CPXM2: variants seen among roughly 807,000 people sequenced by gnomAD.
CPXM2 encodes inactive carboxypeptidase-like protein X2.
In CPXM2, 66 loss-of-function variants were observed where a neutral mutation model predicts 86.1. The observed-to-expected ratio is 0.77, with a 90% CI of 0.63 to 0.94. CPXM2 has a LOEUF of 0.94. Ranked by LOEUF, CPXM2 falls within the 40% of genes least tolerant of loss-of-function variation. The pLI, the probability that CPXM2 is intolerant of heterozygous loss-of-function variation, is 0.00. For synonymous variants in CPXM2, 388 were observed against 400.2 expected (o/e 0.97, Z 0.36); for missense variants, 948 against 1,026.3 (o/e 0.92, Z 1.04).
In CPXM2 at chr10:123,757,315, G is replaced by C; in HGVS notation, c.1815C>G (p.Phe605Leu). 6.2e-7 allele frequency: 1 copy of C among 1,613,832 alleles called. No homozygotes were observed. Among genetic ancestry groups the C allele is most frequent in the Non-Finnish European group, 8.5e-7 (1 of 1,179,706 alleles). The change falls in exon 12 of 14, where the codon TTC becomes TTG. Residue 605 changes from phenylalanine to leucine, a missense_variant. Physicochemically the swap from Phe to Leu is conservative, Grantham distance 22. Coordinates refer to ENST00000241305, the MANE Select transcript of CPXM2 (RefSeq NM_198148.3). Reference sequence around the variant, plus strand: ...CACAGCCCACGTAGATGGACAGTTCGAAGCAGTTTGTATGAAGGTAGCTGA... The same window carrying C: ...CACAGCCCACGTAGATGGACAGTTCCAAGCAGTTTGTATGAAGGTAGCTGA... ...NDFSYLHTNC[F>L]ELSIYVGCDK...
chr10:123,753,019 G>A (rs115932308), intron 13 of CPXM2, among the ~76,000 whole-genome samples: 2,733 of 152,216 alleles, frequency 0.018, 68 homozygotes, highest in African/African-American at 0.063. Flanking sequence ...AGGTAAGAGG[G>A]ACCAACAGTG....
rs1848871010 is a variant in CPXM2, at chr10:123,862,466, T to C, written c.513+148A>G. The stretch of plus-strand genomic sequence containing the variant: ...TCCCTGAGTCTCAGAGCTCTCTCTG[T>C]AAAATTAGGATCATTCAGCAATATC... On this transcript the variant is annotated intron_variant, in intron 3 of 13. Transcript: ENST00000241305. 5.5e-6 allele frequency: 4 copies of C among 727,774 alleles called. No individual in the cohort carries two copies. The South Asian group carries it at 7.1e-5, about 13-fold the overall frequency. The allele number at this position is 727,774 out of a possible 1,614,324, so 45.1% of individuals were successfully genotyped here. A position where few individuals can be genotyped will look rare whatever the true frequency, so the allele number is the denominator to read the frequency against.
chr10:123,833,946 A>G (rs1848222480), intron 4 of CPXM2, among the ~76,000 whole-genome samples: 3 of 152,216 alleles, frequency 2.0e-5, no homozygotes, highest in African/African-American at 7.2e-5. Flanking sequence ...TGCCAAGGAC[A>G]ATCTTAACTG....
chr10:123,870,951 G>T (rs975563109), intron 2 of CPXM2, among the ~76,000 whole-genome samples: 9 of 152,134 alleles, frequency 5.9e-5, no homozygotes, highest in African/African-American at 1.7e-4. Context: ...TTTTACCTGT[G>T]AGGCTACACA....
At chr10:123,909,414 A>G (rs1305214119) in intron 2 of CPXM2, among the ~76,000 whole-genome samples, 1 of 152,216 alleles carries the variant, frequency 6.6e-6, no homozygotes, top group African/African-American at 2.4e-5. Context: ...GTGTTGAGTA[A>G]TTAACTAGTG....
chr10:123,761,842 C>G (rs762365746), intron 11 of CPXM2, 30 bp downstream of exon 11: 2 of 1,604,326 alleles, frequency 1.2e-6, no homozygotes, highest in African/African-American at 2.7e-5. Flanking sequence ...CCTGCGCCCG[C>G]AGCCCACTCT....
At chr10:123,940,951 C>A (rs1945770252), upstream of CPXM2, among the ~76,000 whole-genome samples, 1 of 152,122 alleles carries the variant, frequency 6.6e-6, no homozygotes, top group Non-Finnish European at 1.5e-5. Context: ...GTGGGCGGAT[C>A]ACGAGGTCAG....
intron 13 of CPXM2, among the ~76,000 whole-genome samples, chr10:123,747,872 G>A: frequency 3.4e-5 from 5 of 148,670 alleles, no homozygotes; most frequent in Non-Finnish European, 5.9e-5. Context: ...CAGTGAGCTG[G>A]GATCACGCCA....
At chr10:123,816,507 C>T (rs568153887) in intron 4 of CPXM2, among the ~76,000 whole-genome samples, 69 of 152,366 alleles carry the variant, frequency 4.5e-4, no homozygotes, top group African/African-American at 1.5e-3. Context: ...ATTCAACTCT[C>T]CCATTTGGCC....
Position 123,830,645 on chromosome 10 carries a change from C to T in CPXM2, c.653+11704G>A, listed in dbSNP as rs1254460518. Among the ~76,000 whole-genome samples the T allele has an allele frequency of 2.0e-5, 3 of 152,184 alleles. No homozygotes were observed. In the East Asian group the frequency reaches 5.8e-4, roughly 29 times the overall value. On this transcript the variant is annotated intron_variant, in intron 4 of 13. Coordinates refer to ENST00000241305, the MANE Select transcript of CPXM2 (RefSeq NM_198148.3). ...GCCGCCTCCTCTTCCTGTCCATCAC[C>T]TCCTGACAGCTGCATTCCAACAGGT...
intron 2 of CPXM2, among the ~76,000 whole-genome samples, chr10:123,924,179 C>G (rs1945603192): frequency 1.3e-5 from 2 of 152,232 alleles, no homozygotes; most frequent in African/African-American, 4.8e-5. Context: ...CAGACTCCAA[C>G]TGTGTGTTCT....
At chr10:123,747,870 T>C in intron 13 of CPXM2, among the ~76,000 whole-genome samples, 4 of 133,246 alleles carry the variant, frequency 3.0e-5, no homozygotes, top group Non-Finnish European at 6.1e-5. Context: ...TGCAGTGAGC[T>C]GGGATCACGC....
At chr10:123,889,153 C>A (rs1354185120) in intron 1 of CPXM2, among the ~76,000 whole-genome samples, 1 of 152,228 alleles carries the variant, frequency 6.6e-6, no homozygotes, top group Non-Finnish European at 1.5e-5. Flanking sequence ...CCCATGTAAC[C>A]CCTGAGTCTG....
intron 4 of CPXM2, among the ~76,000 whole-genome samples, chr10:123,812,893 T>C (rs137924034): frequency 6.6e-6 from 1 of 152,036 alleles, no homozygotes; most frequent in African/African-American, 2.4e-5. Context: ...GCCAAAAAGG[T>C]TGGGGACTGC....
chr10:123,901,619 G>C (rs1032322141), intron 2 of CPXM2, among the ~76,000 whole-genome samples: 3 of 152,146 alleles, frequency 2.0e-5, no homozygotes, highest in Non-Finnish European at 2.9e-5. Flanking sequence ...ACCTGAAAGA[G>C]CCAATCTTTC....
chr10:123,780,455 T>C (rs1846907725), intron 6 of CPXM2, among the ~76,000 whole-genome samples, 200 bp from the exon 7 acceptor site: 1 of 152,162 alleles, frequency 6.6e-6, no homozygotes, highest in African/African-American at 2.4e-5. Flanking sequence ...GGAGCCAGAA[T>C]GCCTGGGTTC....
At chr10:123,823,706 G>A (rs182290369) in intron 4 of CPXM2, among the ~76,000 whole-genome samples, 1 of 152,122 alleles carries the variant, frequency 6.6e-6, no homozygotes, top group African/African-American at 2.4e-5. Flanking sequence ...GTTAGAGGTT[G>A]GTCAATAAGA....
chr10:123,873,209 A>C (rs1944921586), intron 2 of CPXM2, among the ~76,000 whole-genome samples: 1 of 146,930 alleles, frequency 6.8e-6, no homozygotes, highest in South Asian at 2.4e-4. Context: ...TGAATATAAA[A>C]ATCAACATTC....
chr10:123,883,191 A>G (rs1323149223), intron 1 of CPXM2, among the ~76,000 whole-genome samples: 1 of 152,168 alleles, frequency 6.6e-6, no homozygotes, highest in African/African-American at 2.4e-5. Context: ...TGACAGTGTG[A>G]CTCCCCTGGC....
Sources: allele counts gnomAD v4.1 joint callset (sites outside exome capture counted in the v4.1 genomes callset), GRCh38; gene constraint gnomAD v4.1.1; transcripts MANE v1.5; gene names NCBI Gene and HGNC (gene_info 2026-07-23, HGNC 2026-07-21).